NOVA1: variants seen among roughly 807,000 people sequenced by gnomAD.
The protein encoded by NOVA1 is RNA-binding protein Nova-1.
Under a neutral mutation model 38.0 loss-of-function variants are expected in NOVA1, and 7 were observed. The observed-to-expected ratio is 0.18, with a 90% CI of 0.10 to 0.35. The LOEUF (loss-of-function observed/expected upper bound fraction) is 0.35, where lower values mean the gene tolerates loss of function less well. Among genes scored for constraint, NOVA1 ranks in the 10% least tolerant of loss-of-function variants. The pLI, the probability that NOVA1 is intolerant of heterozygous loss-of-function variation, is 1.00. For synonymous variants in NOVA1, 270 were observed against 232.5 expected, an observed-to-expected ratio of 1.16 and a Z score of -1.47; for missense variants, 460 against 616.0, an observed-to-expected ratio of 0.75 and a Z score of 2.68.
intron 2 of NOVA1, chr14:26,593,964 G>A (rs754569783): frequency 2.6e-5 from 4 of 151,744 alleles, no homozygotes; most frequent in African/African-American, 7.2e-5. Context: ...GAACTATCAC[G>A]TTATTAATTC....
chr14:26,458,750 C>T (rs926948628), intron 4 of NOVA1, among the ~76,000 whole-genome samples: 1 of 151,946 alleles, frequency 6.6e-6, no homozygotes, highest in African/African-American at 2.4e-5. Context: ...ATACACCAAA[C>T]CTCAACGACA....
intron 2 of NOVA1, among the ~76,000 whole-genome samples, chr14:26,521,668 T>TA (rs758588656): frequency 6.6e-6 from 1 of 152,064 alleles, no homozygotes; most frequent in African/African-American, 2.4e-5. Flanking sequence ...ATCAAAGATA[T>TA]AATAGTATGA....
chr14:26,538,414 T>C (rs1890249903), intron 2 of NOVA1, among the ~76,000 whole-genome samples: 1 of 152,068 alleles, frequency 6.6e-6, no homozygotes, highest in African/African-American at 2.4e-5. Flanking sequence ...AAACTAATAA[T>C]CAAAAATAGA....
At chr14:26,465,320 G>A (rs1437801689) in intron 4 of NOVA1, among the ~76,000 whole-genome samples, 7 of 152,000 alleles carry the variant, frequency 4.6e-5, no homozygotes, top group Non-Finnish European at 7.4e-5. Flanking sequence ...GATTAAAGGC[G>A]TGCACCACCA....
At chr14:26,497,458 T>C (rs1403775385) in intron 2 of NOVA1, among the ~76,000 whole-genome samples, 2 of 152,196 alleles carry the variant, frequency 1.3e-5, no homozygotes, top group Non-Finnish European at 2.9e-5. Context: ...AAAATGTATA[T>C]GAAATATCAA....
chr14:26,452,165 T>C (rs1484797989), intron 4 of NOVA1, among the ~76,000 whole-genome samples: 1 of 152,158 alleles, frequency 6.6e-6, no homozygotes, highest in Non-Finnish European at 1.5e-5. Context: ...CAAAAGAACA[T>C]GAGAATCCTC....
At chr14:26,460,180 A>T (rs1317640745) in intron 4 of NOVA1, among the ~76,000 whole-genome samples, 1 of 151,984 alleles carries the variant, frequency 6.6e-6, no homozygotes, top group Non-Finnish European at 1.5e-5. Flanking sequence ...AAAATAAAAT[A>T]AAGATATTTC....
chr14:26,573,451 T>G (rs769096558), intron 2 of NOVA1, among the ~76,000 whole-genome samples: 8 of 152,092 alleles, frequency 5.3e-5, no homozygotes, highest in Non-Finnish European at 8.8e-5. Flanking sequence ...CTTTTGGTAA[T>G]TTTGTATAAA....
At chr14:26,541,948 T>C (rs1236656473) in intron 2 of NOVA1, among the ~76,000 whole-genome samples, 3 of 151,868 alleles carry the variant, frequency 2.0e-5, no homozygotes, top group Non-Finnish European at 2.9e-5. Flanking sequence ...ATTGAGCTGA[T>C]TCTGAGATCT....
At position 26,447,901 on chromosome 14, in the gene NOVA1, CCTT is replaced by C. The variant is rs1252645008; in HGVS notation, c.*55_*57del. On this transcript the variant is annotated 3_prime_UTR_variant, in exon 5 of 5. Coordinates refer to ENST00000539517, the MANE Select transcript of NOVA1 (RefSeq NM_002515.3). Reference sequence around the variant, plus strand: ...TTCACTTCTGCAAAGTACAGTACATCCTTCTTGAAAATGGGGTAAAGGAGGGGT... The same window carrying C: ...TTCACTTCTGCAAAGTACAGTACATCCTTGAAAATGGGGTAAAGGAGGGGT... 3 of 1,394,004 alleles carry C rather than the reference CCTT, an allele frequency of 2.2e-6. No individual in the cohort carries two copies. The African/African-American group carries it at 4.3e-5, about 20-fold the overall frequency. The allele number at this position is 1,394,004 out of a possible 1,614,324, so 86.4% of individuals were successfully genotyped here.
At chr14:26,470,193 A>C (rs1256635357) in intron 4 of NOVA1, 2 of 956,554 alleles carry the variant, frequency 2.1e-6, no homozygotes, top group African/African-American at 3.3e-5. Context: ...AATTAGCTTA[A>C]GATGATCATA....
At chr14:26,596,426 T>C (rs571992785) in intron 1 of NOVA1, 1 of 693,124 alleles carries the variant, frequency 1.4e-6, no homozygotes, top group African/African-American at 1.9e-5. Context: ...CCACAAACTT[T>C]AATTTCCGTC....
chr14:26,524,232 A>G (rs1334332506), intron 2 of NOVA1, among the ~76,000 whole-genome samples: 1 of 152,198 alleles, frequency 6.6e-6, no homozygotes, highest in Non-Finnish European at 1.5e-5. Context: ...ATTAGCTAGA[A>G]CAGGATGGAA....
chr14:26,448,154 T>C lies in NOVA1; in HGVS notation c.1329A>G (p.Thr443=), dbSNP rs760695295. Residue 443 remains threonine, a synonymous_variant, in exon 5 of 5, where the codon ACA becomes ACG. Transcript: ENST00000539517. The surrounding 1 kb of genome is among the most constrained non-coding windows in gnomAD (Gnocchi z 5.3). ...VGAILGKGGK[T]LVEYQELTGA... ...CAGTCAACTCCTGGTATTCCACTAATGTTTTCCCTCCTTTGCCAAGTATTG... is the reference window on the plus strand; with the variant it reads ...CAGTCAACTCCTGGTATTCCACTAACGTTTTCCCTCCTTTGCCAAGTATTG... 3 of 1,614,240 alleles carry C rather than the reference T, an allele frequency of 1.9e-6. No individual in the cohort carries two copies. Among genetic ancestry groups the C allele is most frequent in the Non-Finnish European group, 2.5e-6 (3 of 1,180,034 alleles).
chr14:26,460,654 A>G (rs1036758863), intron 4 of NOVA1, among the ~76,000 whole-genome samples: 1 of 152,136 alleles, frequency 6.6e-6, no homozygotes, highest in Non-Finnish European at 1.5e-5. Context: ...ATGATAAAAA[A>G]TTAGAAAAAC....
rs569810669 is a variant in NOVA1 at position 26,596,811 on chromosome 14, G to T, written c.136+490C>A. The stretch of plus-strand genomic sequence containing the variant: ...ATCAAGATTTTGCATACTACTTGTG[G>T]CCCAAAGCAAGAGGATGGAGAGAGG... On this transcript the variant is annotated intron_variant, in intron 1 of 4. Coordinates refer to ENST00000539517, the MANE Select transcript of NOVA1 (RefSeq NM_002515.3). 3 of 1,150,876 alleles carry T rather than the reference G, an allele frequency of 2.6e-6. No homozygotes were observed. In the East Asian group the frequency reaches 2.1e-4, roughly 79 times the overall value. 71.3% of individuals were successfully genotyped at this position (1,150,876 alleles called of 1,614,324 possible). A position where few individuals can be genotyped will look rare whatever the true frequency, so the allele number is the denominator to read the frequency against.
chr14:26,565,120 A>C (rs1048963037), intron 2 of NOVA1, among the ~76,000 whole-genome samples: 15 of 152,052 alleles, frequency 9.9e-5, no homozygotes. Flanking sequence ...TGCTGAGAGA[A>C]TTCACTTTTG....
At chr14:26,594,541 G>C (rs1364690959) in intron 2 of NOVA1, 2 of 151,834 alleles carry the variant, frequency 1.3e-5, no homozygotes, top group Non-Finnish European at 2.9e-5. Flanking sequence ...CAGAAAGCTA[G>C]ATTTAAATAA....
chr14:26,456,978 C>CAT (rs141026086), intron 4 of NOVA1, among the ~76,000 whole-genome samples: 30,283 of 150,238 alleles, frequency 0.2, 3,253 homozygotes, highest in East Asian at 0.32. Context: ...CACACACACA[C>CAT]ATATATATAT....
Sources: gnomAD v4.1 joint callset for allele counts (sites outside exome capture counted in the v4.1 genomes callset) on GRCh38, gnomAD v4.1.1 for gene constraint, Gnocchi (gnomAD v3.1) non-coding constraint, MANE v1.5 for transcripts, NCBI Gene and HGNC (gene_info 2026-07-23, HGNC 2026-07-21) for gene names.